The following STK3 variants were observed in gnomAD, a reference collection of about 807,000 sequenced individuals.
STK3 encodes the protein serine/threonine-protein kinase 3.
In STK3, 41 loss-of-function variants were observed where a neutral mutation model predicts 58.0. That is an observed-to-expected ratio of 0.71 (90% CI 0.55 to 0.92). The LOEUF (loss-of-function observed/expected upper bound fraction) is 0.92, where lower values mean the gene tolerates loss of function less well. Among genes scored for constraint, STK3 ranks in the 40% least tolerant of loss-of-function variants. The pLI is 0.00. For missense variants in STK3, 479 were observed against 602.7 expected (o/e 0.79, Z 2.15); for synonymous variants, 170 against 191.0 (o/e 0.89, Z 0.91).
chr8:98,754,330 T>C, intron 3 of STK3, among the ~76,000 whole-genome samples: 1 of 152,102 alleles, frequency 6.6e-6, no homozygotes, highest in East Asian at 1.9e-4. Context: ...GGGAGTAGCG[T>C]TCCTACACCT....
chr8:98,526,758 T>A lies in STK3; in HGVS notation c.1301A>T (p.Asp434Val). ...VFPDNWKVPQ[D>V]GDFDFLKNLS... ...TGTACTTACAAAGTCAAAGTCTCCA[T>A]CTTGAGGAACTTTCCAGTTATCAGG... The change falls in exon 10 of 11, where the codon GAT becomes GTT. Residue 434 changes from aspartate (D) to valine (V), a missense_variant. Asp to Val is a radical substitution (Grantham distance 152, BLOSUM62 -3). This residue lies in a region of STK3 where 309 missense variants were observed against 355.7 expected (regional missense o/e 0.87). Transcript: ENST00000419617. The A allele has an allele frequency of 6.4e-7, 1 of 1,570,290 alleles. No homozygotes were observed. Among genetic ancestry groups the A allele is most frequent in the Non-Finnish European group, 8.6e-7 (1 of 1,157,816 alleles).
At chr8:98,523,843 G>A (rs1481394330) in intron 10 of STK3, among the ~76,000 whole-genome samples, 1 of 152,072 alleles carries the variant, frequency 6.6e-6, no homozygotes, top group Non-Finnish European at 1.5e-5. Flanking sequence ...GTCTTGTGAT[G>A]CACACAAGTT....
chr8:98,527,229 A>C (rs922390331), intron 9 of STK3, among the ~76,000 whole-genome samples: 20 of 152,164 alleles, frequency 1.3e-4, no homozygotes, highest in Non-Finnish European at 2.1e-4. Flanking sequence ...AAATTTCTCA[A>C]AGAAAGTAAA....
chr8:98,506,669 C>T (rs976008456), intron 10 of STK3, among the ~76,000 whole-genome samples: 20 of 151,812 alleles, frequency 1.3e-4, no homozygotes, highest in African/African-American at 4.8e-4. Flanking sequence ...TGAGATTGCA[C>T]CACACTGCAC....
intron 7 of STK3, among the ~76,000 whole-genome samples, chr8:98,593,643 C>T (rs1371148578): frequency 1.3e-5 from 2 of 152,128 alleles, no homozygotes; most frequent in Non-Finnish European, 2.9e-5. Context: ...GTTGCATGCT[C>T]CTTATGAGAA....
chr8:98,720,510 G>C (rs1827321680), intron 4 of STK3, among the ~76,000 whole-genome samples: 1 of 152,116 alleles, frequency 6.6e-6, no homozygotes, highest in African/African-American at 2.4e-5. Flanking sequence ...CAGCACTTTG[G>C]AAGGCCGAGG....
At chr8:98,440,845 A>G (rs911014269) in intron 1 of STK3, among the ~76,000 whole-genome samples, 1 of 152,238 alleles carries the variant, frequency 6.6e-6, no homozygotes, top group African/African-American at 2.4e-5. Context: ...TCGGAAGCAC[A>G]GAGATGTATC....
At chr8:98,419,070 CTG>C (rs1205844776) in intron 3 of STK3, among the ~76,000 whole-genome samples, 1 of 152,196 alleles carries the variant, frequency 6.6e-6, no homozygotes, top group Admixed American at 6.5e-5. Flanking sequence ...CCCCAGGAGT[CTG>C]TGATCTGGCT....
intron 1 of STK3, among the ~76,000 whole-genome samples, chr8:98,936,590 G>A (rs980585538): frequency 1.3e-5 from 2 of 152,208 alleles, no homozygotes; most frequent in African/African-American, 2.4e-5. Flanking sequence ...CATATGGCTT[G>A]TCAAGAGAAT....
intron 3 of STK3, among the ~76,000 whole-genome samples, chr8:98,763,047 T>C (rs1001029790): frequency 3.3e-5 from 5 of 152,124 alleles, no homozygotes; most frequent in African/African-American, 1.2e-4. Flanking sequence ...TTTCCTCAAA[T>C]AAAAATTTCA....
Position 98,786,691 on chromosome 8 carries a change from A to G in STK3, c.27-11872T>C, listed in dbSNP as rs564006374. 1.2e-3 allele frequency among the ~76,000 whole-genome samples: 188 copies of G among 152,366 alleles called. 1 individual carries two copies. The highest frequency in any genetic ancestry group is 4.3e-3 in the African/African-American group (177 of 41,588). On this transcript the variant is annotated intron_variant, in intron 1 of 10. Transcript: ENST00000419617. ...ATTAGCATTCATGATACAGAAAGAG[A>G]AAAAGCAAACAACCTGGAAAATATA... is the stretch of plus-strand genomic sequence containing the variant.
At chr8:98,626,309 A>C (rs886450237) in intron 6 of STK3, among the ~76,000 whole-genome samples, 20 of 152,232 alleles carry the variant, frequency 1.3e-4, no homozygotes, top group African/African-American at 4.8e-4. Flanking sequence ...CTCTCTTCCC[A>C]AAAAAGGTAG....
intron 1 of STK3, among the ~76,000 whole-genome samples, chr8:98,886,672 G>C (rs879385839): frequency 1.3e-5 from 2 of 152,172 alleles, no homozygotes; most frequent in Non-Finnish European, 2.9e-5. Flanking sequence ...CAGAAAAAGA[G>C]AGAAACAGTC....
chr8:98,399,832 C>T (rs1443063328), downstream of STK3, among the ~76,000 whole-genome samples: 1 of 152,128 alleles, frequency 6.6e-6, no homozygotes, highest in African/African-American at 2.4e-5. Context: ...GGAATGCCAG[C>T]CCTGAGATCT....
At chr8:98,693,765 G>A (rs999866746) in intron 6 of STK3, among the ~76,000 whole-genome samples, 5 of 152,200 alleles carry the variant, frequency 3.3e-5, no homozygotes, top group Non-Finnish European at 5.9e-5. Context: ...GAGATGGAAG[G>A]TGTGTTAAGT....
At chr8:98,383,572 T>G (rs1049644583) in intron 1 of STK3, among the ~76,000 whole-genome samples, 2 of 152,208 alleles carry the variant, frequency 1.3e-5, no homozygotes, top group Non-Finnish European at 2.9e-5. Flanking sequence ...AACGTCCTGA[T>G]TTTAAAATTT....
intron 4 of STK3, among the ~76,000 whole-genome samples, chr8:98,730,622 A>G (rs970763551): frequency 2.0e-5 from 3 of 150,548 alleles, no homozygotes; most frequent in African/African-American, 7.3e-5. Flanking sequence ...AGGCTGAGGC[A>G]CGAGAACTGC....
At chr8:98,484,019 G>T (rs998933113) in intron 10 of STK3, among the ~76,000 whole-genome samples, 1 of 146,574 alleles carries the variant, frequency 6.8e-6, no homozygotes, top group African/African-American at 2.5e-5. Context: ...TGCCTCCACT[G>T]ATTTGGCCTT....
At chr8:98,880,673 G>C (rs943022583), downstream of STK3, 1 of 152,120 alleles carries the variant, frequency 6.6e-6, no homozygotes, top group African/African-American at 2.4e-5. Flanking sequence ...GACATGAAAA[G>C]ATCTCACTTC....
Sources: gnomAD v4.1 joint callset for allele counts (sites outside exome capture counted in the v4.1 genomes callset) on GRCh38, gnomAD v4.1.1 for gene constraint, gnomAD v4.1.1 regional missense constraint, MANE v1.5 for transcripts, NCBI Gene and HGNC (gene_info 2026-07-23, HGNC 2026-07-21) for gene names.